C2orf49: variants seen among roughly 807,000 people sequenced by gnomAD.
C2orf49 encodes tRNA splicing ligase complex subunit 2, also known as tRNA-splicing ligase complex subunit ASW.
C2orf49 carries 11 observed loss-of-function variants against 20.6 expected under a neutral mutation model. The ratio of observed to expected loss-of-function variants is 0.53; its 90% CI spans 0.34 to 0.88. The LOEUF is 0.88. Ranked by LOEUF, C2orf49 falls within the 40% of genes least tolerant of loss-of-function variation. The pLI is 0.02. For synonymous variants in C2orf49, 134 were observed against 108.5 expected (o/e 1.24, Z -1.46); for missense variants, 289 against 274.2 (o/e 1.05, Z -0.38).
At position 105,340,391 on chromosome 2, in the gene C2orf49, GT is replaced by G. The variant is rs1679634815; in HGVS notation, c.266+643del. Among the ~76,000 whole-genome samples, 4 of 152,298 alleles carry G rather than the reference GT, an allele frequency of 2.6e-5. No homozygotes were observed. In the South Asian group the frequency reaches 8.3e-4, roughly 32 times the overall value. On this transcript the variant is annotated intron_variant, in intron 2 of 3. Coordinates refer to ENST00000258457, the MANE Select transcript of C2orf49 (RefSeq NM_024093.3). ...AAGGTGTGTGGGGAGGGGAAGCGGTGTGTATAAGACTGGAAGCAGGGAAACA... is the reference window on the plus strand; with the variant it reads ...AAGGTGTGTGGGGAGGGGAAGCGGTGGTATAAGACTGGAAGCAGGGAAACA...
intron 2 of C2orf49, among the ~76,000 whole-genome samples, chr2:105,341,053 G>T (rs760059639): frequency 5.3e-5 from 8 of 152,202 alleles, no homozygotes; most frequent in Non-Finnish European, 1.2e-4. Context: ...CTTTGATCAA[G>T]AATGCATTTT....
At chr2:105,366,886 C>T in the C2orf49 span, among the ~76,000 whole-genome samples, 1 of 152,232 alleles carries the variant, frequency 6.6e-6, no homozygotes, top group African/African-American at 2.4e-5. Context: ...GCTGGGACTA[C>T]AGGCGTGTGC....
the C2orf49 span, chr2:105,373,866 T>G: frequency 9.0e-5 from 67 of 746,630 alleles, 1 homozygote; most frequent in South Asian, 7.7e-4. Flanking sequence ...CGCACCCACA[T>G]TCATGCCCCA....
At chr2:105,350,683 A>C (rs369990038), downstream of C2orf49, among the ~76,000 whole-genome samples, 7 of 152,200 alleles carry the variant, frequency 4.6e-5, no homozygotes, top group East Asian at 1.9e-4. Flanking sequence ...ATATAAAACC[A>C]TCCTATCTTT....
the C2orf49 span, chr2:105,367,525 C>T: frequency 1.9e-6 from 3 of 1,558,178 alleles, no homozygotes; most frequent in African/African-American, 1.4e-5. Context: ...ACCATGGAGG[C>T]AAACCAGCCA....
the C2orf49 span, among the ~76,000 whole-genome samples, chr2:105,372,765 CA>C: frequency 6.6e-6 from 1 of 152,030 alleles, no homozygotes; most frequent in African/African-American, 2.4e-5. Context: ...CCACATTGGC[CA>C]GGCCGATTTC....
At chr2:105,359,022 A>C in the C2orf49 span, 2 of 152,248 alleles carry the variant, frequency 1.3e-5, no homozygotes, top group African/African-American at 4.8e-5. Context: ...AGGCCGAAAC[A>C]GGAAAATCAC....
the C2orf49 span, among the ~76,000 whole-genome samples, chr2:105,368,208 C>G: frequency 6.6e-6 from 1 of 152,212 alleles, no homozygotes; most frequent in Non-Finnish European, 1.5e-5. Flanking sequence ...AACCTGGAAC[C>G]TCGAACCTGA....
At chr2:105,349,831 A>G (rs7581543), downstream of C2orf49, among the ~76,000 whole-genome samples, 1,234 of 152,324 alleles carry the variant, frequency 8.1e-3, 18 homozygotes, top group African/African-American at 0.029. Flanking sequence ...AGGCATAGCT[A>G]TGGAGAGCTT....
chr2:105,378,868 C>T, the C2orf49 span: 1 of 152,202 alleles, frequency 6.6e-6, no homozygotes, highest in African/African-American at 2.4e-5. Flanking sequence ...TTGGTGGGTC[C>T]TCAGTGGGAA....
chr2:105,366,456 T>C, the C2orf49 span, among the ~76,000 whole-genome samples: 21 of 152,190 alleles, frequency 1.4e-4, no homozygotes, highest in African/African-American at 5.1e-4. Flanking sequence ...TGTGATGAGT[T>C]CCACAGCTGG....
At chr2:105,385,406 G>A in the C2orf49 span, among the ~76,000 whole-genome samples, 4 of 152,212 alleles carry the variant, frequency 2.6e-5, no homozygotes, top group East Asian at 3.8e-4. Flanking sequence ...ATCAGTCAGC[G>A]GCAATGTGCT....
At chr2:105,340,794 G>T (rs1679645502) in intron 2 of C2orf49, among the ~76,000 whole-genome samples, 1 of 152,088 alleles carries the variant, frequency 6.6e-6, no homozygotes, top group Non-Finnish European at 1.5e-5. Flanking sequence ...ATCTCAAGTG[G>T]ATACTATTGA....
At chr2:105,352,152 A>C (rs1022336187), downstream of C2orf49, among the ~76,000 whole-genome samples, 8 of 152,322 alleles carry the variant, frequency 5.3e-5, no homozygotes, top group Admixed American at 5.2e-4. Context: ...CAGCTAGATG[A>C]GAGTGATTAT....
downstream of C2orf49, among the ~76,000 whole-genome samples, chr2:105,351,839 CAG>C (rs950740585): frequency 1.3e-5 from 2 of 152,156 alleles, no homozygotes; most frequent in Non-Finnish European, 2.9e-5. Context: ...CCTCAACTGA[CAG>C]AGCAAGGAAA....
At chr2:105,349,408 TA>T (rs1257961095), downstream of C2orf49, among the ~76,000 whole-genome samples, 1 of 152,186 alleles carries the variant, frequency 6.6e-6, no homozygotes, top group Non-Finnish European at 1.5e-5. Flanking sequence ...ACTTTGTACT[TA>T]ACACATAGAT....
chr2:105,383,293 C>A, the C2orf49 span, among the ~76,000 whole-genome samples: 1 of 152,174 alleles, frequency 6.6e-6, no homozygotes, highest in African/African-American at 2.4e-5. Flanking sequence ...TAACAGGTAT[C>A]CAAGAAAAGG....
At chr2:105,356,726 A>T in the C2orf49 span, among the ~76,000 whole-genome samples, 2 of 152,166 alleles carry the variant, frequency 1.3e-5, no homozygotes, top group Admixed American at 6.5e-5. Context: ...ATGTATGTTT[A>T]ATTTCCCAAT....
chr2:105,344,055 G>GT (rs1679746517), intron 3 of C2orf49, among the ~76,000 whole-genome samples: 1 of 152,076 alleles, frequency 6.6e-6, no homozygotes, highest in Non-Finnish European at 1.5e-5. Flanking sequence ...CTGGTCATGA[G>GT]TTTTTTACTT....
Sources: allele counts gnomAD v4.1 joint callset (sites outside exome capture counted in the v4.1 genomes callset), GRCh38; gene constraint gnomAD v4.1.1; transcripts MANE v1.5; gene names NCBI Gene and HGNC (gene_info 2026-07-23, HGNC 2026-07-21).